UBE2E2: variants seen among roughly 807,000 people sequenced by gnomAD.
UBE2E2 encodes the protein ubiquitin conjugating enzyme E2 E2.
Under a neutral mutation model 24.7 loss-of-function variants are expected in UBE2E2, and 6 were observed. The ratio of observed to expected loss-of-function variants is 0.24; its 90% confidence interval spans 0.13 to 0.48. The LOEUF (loss-of-function observed/expected upper bound fraction) is 0.48, where lower values mean the gene tolerates loss of function less well. Ranked by LOEUF, UBE2E2 falls within the 20% of genes least tolerant of loss-of-function variation. UBE2E2 has a pLI of 0.99. For synonymous variants in UBE2E2, 104 were observed against 83.6 expected (o/e 1.24, Z -1.33); for missense variants, 169 against 245.0 (o/e 0.69, Z 2.07).
intron 1 of UBE2E2, among the ~76,000 whole-genome samples, chr3:23,204,190 G>C (rs974888415): frequency 9.6e-6 from 1 of 104,142 alleles, no homozygotes; most frequent in Non-Finnish European, 1.8e-5. Flanking sequence ...ATAATGTTTT[G>C]ATCTTTTTGC....
At chr3:23,390,188 C>G (rs1182711684) in intron 3 of UBE2E2, among the ~76,000 whole-genome samples, 1 of 152,120 alleles carries the variant, frequency 6.6e-6, no homozygotes, top group African/African-American at 2.4e-5. Context: ...CACCCCTAAG[C>G]CTGGAAACCG....
At chr3:23,496,121 A>T (rs117706844) in intron 3 of UBE2E2, among the ~76,000 whole-genome samples, 4,393 of 152,320 alleles carry the variant, frequency 0.029, 107 homozygotes, top group East Asian at 0.13. Context: ...AATATAAAAT[A>T]TTCATACAGT....
chr3:23,275,034 G>A (rs892439550), intron 3 of UBE2E2, among the ~76,000 whole-genome samples: 1 of 152,204 alleles, frequency 6.6e-6, no homozygotes, highest in Admixed American at 6.5e-5. Flanking sequence ...GTCCTTATCA[G>A]GAAATATCTG....
intron 3 of UBE2E2, among the ~76,000 whole-genome samples, chr3:23,329,808 C>G (rs1392521969): frequency 6.6e-6 from 1 of 152,216 alleles, no homozygotes; most frequent in Non-Finnish European, 1.5e-5. Context: ...GAAATCCCCA[C>G]CATCTTTACT....
intron 3 of UBE2E2, among the ~76,000 whole-genome samples, chr3:23,415,308 A>T (rs572245633): frequency 6.6e-6 from 1 of 152,278 alleles, no homozygotes; most frequent in Non-Finnish European, 1.5e-5. Context: ...AATCCTAACT[A>T]GGTCCTTCCA....
At chr3:23,413,788 C>T (rs1697554837) in intron 3 of UBE2E2, among the ~76,000 whole-genome samples, 1 of 152,102 alleles carries the variant, frequency 6.6e-6, no homozygotes, top group South Asian at 2.1e-4. Flanking sequence ...AGGGATGCTC[C>T]CAGGCTACCA....
At chr3:23,373,025 C>T (rs1696433984) in intron 3 of UBE2E2, among the ~76,000 whole-genome samples, 1 of 152,156 alleles carries the variant, frequency 6.6e-6, no homozygotes, top group Non-Finnish European at 1.5e-5. Context: ...CTTATAAATG[C>T]TGGGACCTTC....
At chr3:23,486,521 G>C (rs1312000729) in intron 3 of UBE2E2, among the ~76,000 whole-genome samples, 1 of 152,308 alleles carries the variant, frequency 6.6e-6, no homozygotes, top group East Asian at 1.9e-4. Flanking sequence ...TTGTGCTGCA[G>C]CTCTTTCAGT....
intron 3 of UBE2E2, among the ~76,000 whole-genome samples, chr3:23,374,621 G>A (rs575956387): frequency 8.3e-4 from 126 of 152,082 alleles, no homozygotes; most frequent in African/African-American, 2.9e-3. Context: ...CTCCCCTTTC[G>A]GGATGAAACT....
intron 3 of UBE2E2, among the ~76,000 whole-genome samples, chr3:23,297,574 C>T (rs996692392): frequency 1.3e-5 from 2 of 152,192 alleles, no homozygotes; most frequent in African/African-American, 2.4e-5. Context: ...GGAATCCTTT[C>T]CCCATTGCTT....
intron 3 of UBE2E2, among the ~76,000 whole-genome samples, chr3:23,466,241 TAAAAG>T (rs762492103): frequency 1.3e-4 from 20 of 152,344 alleles, no homozygotes; most frequent in Admixed American, 3.3e-4. Context: ...TTAAAAAAGT[TAAAAG>T]AAATGTCAAA....
intron 3 of UBE2E2, among the ~76,000 whole-genome samples, chr3:23,377,685 A>C (rs941430512): frequency 2.0e-5 from 3 of 152,206 alleles, no homozygotes; most frequent in Non-Finnish European, 2.9e-5. Context: ...GTTCTCCTTA[A>C]GGGCTGGGTG....
chr3:23,322,141 A>G (rs1203353707), intron 3 of UBE2E2, among the ~76,000 whole-genome samples: 1 of 152,202 alleles, frequency 6.6e-6, no homozygotes, highest in Non-Finnish European at 1.5e-5. Flanking sequence ...ATTATTCTTG[A>G]AATATTTAGT....
intron 3 of UBE2E2, among the ~76,000 whole-genome samples, chr3:23,401,050 C>G (rs1697210374): frequency 6.6e-6 from 1 of 152,154 alleles, no homozygotes; most frequent in Non-Finnish European, 1.5e-5. Context: ...GAATGGTTGA[C>G]TAGGGAAGGC....
At chr3:23,379,242 AT>A (rs1488933401) in intron 3 of UBE2E2, among the ~76,000 whole-genome samples, 1 of 112,080 alleles carries the variant, frequency 8.9e-6, no homozygotes, top group Non-Finnish European at 2.0e-5. Context: ...TTATTTTTTT[AT>A]TTTATTTTTT....
At chr3:23,549,549 G>A (rs1351985549) in intron 5 of UBE2E2, among the ~76,000 whole-genome samples, 1 of 152,158 alleles carries the variant, frequency 6.6e-6, no homozygotes, top group Non-Finnish European at 1.5e-5. Flanking sequence ...GGATAAATCG[G>A]TGCCCTCATT....
rs946236382 is a variant in UBE2E2 at position 23,584,411 on chromosome 3, C to T, written c.509-5323C>T. ...CCCTTTTCTAGGTGGGACTATAAAC[C>T]CTTTGGCTTCCAGGGTACCCAGTGT... On this transcript the variant is annotated intron_variant, in intron 5 of 5. Transcript: ENST00000396703. Among the ~76,000 whole-genome samples the T allele has an allele frequency of 3.3e-5, 5 of 151,996 alleles. No individual in the cohort carries two copies. In the South Asian group the frequency reaches 6.3e-4, roughly 19 times the overall value.
intron 5 of UBE2E2, among the ~76,000 whole-genome samples, chr3:23,571,056 A>T (rs1227366830): frequency 1.3e-5 from 2 of 152,058 alleles, no homozygotes; most frequent in East Asian, 1.9e-4. Context: ...TTTTCCCACC[A>T]TGCACATAGA....
At chr3:23,556,457 A>T (rs1276230655) in intron 5 of UBE2E2, among the ~76,000 whole-genome samples, 1 of 148,266 alleles carries the variant, frequency 6.7e-6, no homozygotes, top group Non-Finnish European at 1.5e-5. Flanking sequence ...ATTTATTTAA[A>T]AAAAAAAAAA....
Sources: allele counts gnomAD v4.1 joint callset (sites outside exome capture counted in the v4.1 genomes callset), GRCh38; gene constraint gnomAD v4.1.1; transcripts MANE v1.5; gene names NCBI Gene and HGNC (gene_info 2026-07-23, HGNC 2026-07-21).